Variants in DCLK1 observed in about 807,000 individuals in gnomAD.
DCLK1 encodes serine/threonine-protein kinase DCLK1.
A neutral mutation model predicts 86.2 loss-of-function variants in DCLK1; 16 were observed. That is an observed-to-expected ratio of 0.19 (90% CI 0.13 to 0.28). The LOEUF (loss-of-function observed/expected upper bound fraction) is 0.28, where lower values mean the gene tolerates loss of function less well. Among genes scored for constraint, DCLK1 ranks in the 10% least tolerant of loss-of-function variants. The pLI, the probability that DCLK1 is intolerant of heterozygous loss-of-function variation, is 1.00. For missense variants in DCLK1, 590 were observed against 940.2 expected (o/e 0.63, Z 4.87); for synonymous variants, 369 against 370.5 (o/e 1.00, Z 0.05).
chr13:35,823,951 T>A (rs907098590), intron 10 of DCLK1, among the ~76,000 whole-genome samples: 1 of 151,946 alleles, frequency 6.6e-6, no homozygotes, highest in Non-Finnish European at 1.5e-5. Context: ...CCACACAAAT[T>A]TTTTTTTTCA....
intron 12 of DCLK1, among the ~76,000 whole-genome samples, chr13:35,809,724 T>C (rs1188011511): frequency 6.6e-6 from 1 of 152,290 alleles, no homozygotes; most frequent in East Asian, 1.9e-4. Flanking sequence ...CAGCCCCACC[T>C]GAGGGAGGTC....
chr13:36,088,164 G>A (rs1884683551), intron 3 of DCLK1, among the ~76,000 whole-genome samples: 1 of 152,196 alleles, frequency 6.6e-6, no homozygotes, highest in African/African-American at 2.4e-5. Context: ...CTGGATTCTG[G>A]AATAGCAGGT....
At chr13:35,814,929 G>A (rs2087235314) in intron 11 of DCLK1, among the ~76,000 whole-genome samples, 1 of 152,218 alleles carries the variant, frequency 6.6e-6, no homozygotes, top group Non-Finnish European at 1.5e-5. Flanking sequence ...TACAGTCGGA[G>A]AAGTTGTTCT....
chr13:36,085,670 C>A (rs1200609764), intron 3 of DCLK1, among the ~76,000 whole-genome samples: 1 of 152,164 alleles, frequency 6.6e-6, no homozygotes, highest in South Asian at 2.1e-4. Flanking sequence ...GCTACCAACA[C>A]CCTGAATGTT....
chr13:35,845,494 C>T (rs1787414978), intron 6 of DCLK1, among the ~76,000 whole-genome samples: 1 of 151,898 alleles, frequency 6.6e-6, no homozygotes, highest in Admixed American at 6.5e-5. Flanking sequence ...ACATTTTTTC[C>T]CCTGCAAATT....
At chr13:35,895,710 ATCT>A (rs1295153743) in intron 4 of DCLK1, among the ~76,000 whole-genome samples, 2 of 150,922 alleles carry the variant, frequency 1.3e-5, no homozygotes, top group East Asian at 2.0e-4. Flanking sequence ...TTTTACAGTC[ATCT>A]TCTTTATAAC....
intron 11 of DCLK1, among the ~76,000 whole-genome samples, chr13:35,818,692 A>C (rs2087324753): frequency 6.6e-6 from 1 of 152,164 alleles, no homozygotes; most frequent in Admixed American, 6.5e-5. Flanking sequence ...AGACCTGCCC[A>C]GGTCCTTGAA....
intron 3 of DCLK1, among the ~76,000 whole-genome samples, chr13:36,064,742 C>CA (rs565946750): frequency 3.4e-3 from 378 of 110,860 alleles, no homozygotes; most frequent in African/African-American, 8.6e-3. Context: ...GTCTATTGTA[C>CA]AAAAAAAAAA....
chr13:35,997,663 A>C (rs1880530921), intron 3 of DCLK1, among the ~76,000 whole-genome samples: 1 of 152,230 alleles, frequency 6.6e-6, no homozygotes, highest in South Asian at 2.1e-4. Flanking sequence ...TATGGTTGTA[A>C]GTCATGAAAC....
At chr13:36,104,126 C>T (rs1885310650) in intron 3 of DCLK1, among the ~76,000 whole-genome samples, 2 of 152,232 alleles carry the variant, frequency 1.3e-5, no homozygotes, top group South Asian at 4.2e-4. Context: ...TAGTGTGTGG[C>T]CACGCTGCAG....
chr13:36,091,379 A>C (rs1285690652), intron 3 of DCLK1, among the ~76,000 whole-genome samples: 5 of 152,190 alleles, frequency 3.3e-5, no homozygotes, highest in Non-Finnish European at 5.9e-5. Flanking sequence ...AAATTTAAAA[A>C]ATAATAAATT....
chr13:35,785,840 A>C (rs1593586805), intron 16 of DCLK1, among the ~76,000 whole-genome samples: 1 of 152,176 alleles, frequency 6.6e-6, no homozygotes. Flanking sequence ...ACTTCTGCGG[A>C]GATAAAAGGC....
intron 4 of DCLK1, among the ~76,000 whole-genome samples, chr13:35,905,414 C>T (rs1874627378): frequency 6.6e-6 from 1 of 152,198 alleles, no homozygotes; most frequent in Admixed American, 6.5e-5. Context: ...GAAGATCCCA[C>T]CCTATCCCAG....
chr13:35,927,951 G>A (rs1876218115), intron 4 of DCLK1, among the ~76,000 whole-genome samples: 3 of 152,168 alleles, frequency 2.0e-5, no homozygotes, highest in African/African-American at 7.2e-5. Flanking sequence ...GACGTGTCCT[G>A]ATCCCACAAG....
At chr13:36,089,126 A>G (rs1884724913) in intron 3 of DCLK1, among the ~76,000 whole-genome samples, 2 of 152,348 alleles carry the variant, frequency 1.3e-5, no homozygotes, top group South Asian at 4.1e-4. Flanking sequence ...GGCTTTTGCC[A>G]GACTCATTAA....
chr13:36,045,328 GTGTGTA>G lies in DCLK1; in HGVS notation c.723+66535_723+66540del, dbSNP rs1261605690. On this transcript the variant is annotated intron_variant, in intron 3 of 16. Coordinates refer to ENST00000360631, the MANE Select transcript of DCLK1 (RefSeq NM_001330071.2). ...TATATATGTCTATATATGTGTGTGT[GTGTGTA>G]TATATATATATATATATATATATAT... 1.6e-3 allele frequency among the ~76,000 whole-genome samples: 72 copies of G among 45,224 alleles called. No individual in the cohort carries two copies. The East Asian group carries it at 0.027, about 17-fold the overall frequency. 29.7% of individuals were successfully genotyped at this position (45,224 alleles called of 152,430 possible).
intron 3 of DCLK1, among the ~76,000 whole-genome samples, chr13:35,960,848 C>CT (rs983498618): frequency 7.9e-5 from 12 of 152,174 alleles, no homozygotes; most frequent in Non-Finnish European, 4.4e-5. Context: ...TGACATGATT[C>CT]TTTTTTTCTT....
chr13:35,915,370 T>C (rs899389469), intron 4 of DCLK1, among the ~76,000 whole-genome samples: 5 of 152,166 alleles, frequency 3.3e-5, no homozygotes, highest in African/African-American at 1.2e-4. Context: ...CCCCAAACTA[T>C]ATTCCCTACT....
intron 3 of DCLK1, among the ~76,000 whole-genome samples, chr13:35,967,148 C>T (rs1057026697): frequency 5.3e-5 from 8 of 151,622 alleles, no homozygotes; most frequent in African/African-American, 2.4e-5. Context: ...CGCCTCTGCC[C>T]GGCCGCCACC....
Sources: gnomAD v4.1 joint callset for allele counts (sites outside exome capture counted in the v4.1 genomes callset) on GRCh38, gnomAD v4.1.1 for gene constraint, MANE v1.5 for transcripts, NCBI Gene and HGNC (gene_info 2026-07-23, HGNC 2026-07-21) for gene names.